The following TLL1 variants were observed in gnomAD, a reference collection of about 807,000 sequenced individuals.
The protein encoded by TLL1 is tolloid like 1, also known as tolloid-like protein 1.
A neutral mutation model predicts 128.2 loss-of-function variants in TLL1; 49 were observed. The observed-to-expected ratio is 0.38, with a 90% confidence interval of 0.30 to 0.48. The LOEUF (loss-of-function observed/expected upper bound fraction) is 0.48. Among genes scored for constraint, TLL1 ranks in the 20% least tolerant of loss-of-function variants. The probability of loss-of-function intolerance (pLI) is 0.96; values close to 1 mark genes in which losing one functional copy is unlikely to be tolerated. For missense variants in TLL1, 1,123 were observed against 1,242.0 expected (o/e 0.90, Z 1.44); for synonymous variants, 454 against 418.8 (o/e 1.08, Z -1.03).
At chr4:166,036,090 T>TA (rs1182766254) in intron 9 of TLL1, among the ~76,000 whole-genome samples, 1 of 152,208 alleles carries the variant, frequency 6.6e-6, no homozygotes, top group African/African-American at 2.4e-5. Context: ...GTGCAAGTAT[T>TA]ACGCTAATTG....
intron 15 of TLL1, among the ~76,000 whole-genome samples, chr4:166,063,129 TAAAC>T (rs545947863): frequency 0.015 from 2,222 of 152,144 alleles, 57 homozygotes; most frequent in African/African-American, 0.051. Context: ...ACAAAGAACT[TAAAC>T]AAATTTACAA....
rs767040802 is a variant in TLL1, at chr4:166,101,355, G to A, written c.*479G>A. 10 of 172,408 alleles carry A rather than the reference G, an allele frequency of 5.8e-5. 1 individual carries two copies. Among genetic ancestry groups the A allele is most frequent in the Admixed American group, 4.5e-4 (8 of 17,636 alleles). 10.7% of individuals were successfully genotyped at this position (172,408 alleles called of 1,614,324 possible). ...TAAACCAGATCCATATAAGGTGAAT[G>A]TGAAATGGGAGTCTTCTGAGGGTGA... On this transcript the variant is annotated 3_prime_UTR_variant, in exon 21 of 21. Transcript: ENST00000061240.
At chr4:165,967,537 C>T (rs1056169485) in intron 1 of TLL1, among the ~76,000 whole-genome samples, 17 of 152,256 alleles carry the variant, frequency 1.1e-4, no homozygotes, top group East Asian at 3.9e-4. Flanking sequence ...CCGGTCACTC[C>T]GTTTGGGGTT....
At chr4:166,061,456 G>T (rs1253322817) in intron 15 of TLL1, among the ~76,000 whole-genome samples, 7 of 151,960 alleles carry the variant, frequency 4.6e-5, no homozygotes, top group Non-Finnish European at 8.8e-5. Context: ...TGTTGGCCAG[G>T]CTAATCTCGA....
chr4:165,923,497 C>T (rs1380005627), intron 1 of TLL1, among the ~76,000 whole-genome samples: 5 of 126,284 alleles, frequency 4.0e-5, no homozygotes, highest in Non-Finnish European at 7.8e-5. Context: ...GGTACGATCT[C>T]GGCTCACTGC....
chr4:166,074,827 C>A (rs749142529), intron 16 of TLL1, 51 bp from the exon 17 acceptor site: 5 of 1,606,796 alleles, frequency 3.1e-6, no homozygotes, highest in African/African-American at 1.3e-5. Flanking sequence ...CCTTTGATAT[C>A]CTCTGTTTTT....
At chr4:166,002,301 G>A (rs1450631533) in intron 5 of TLL1, among the ~76,000 whole-genome samples, 1 of 152,108 alleles carries the variant, frequency 6.6e-6, no homozygotes. Context: ...CAAGGGCTCT[G>A]CCTTCAAATA....
intron 12 of TLL1, chr4:166,044,248 A>G: frequency 1.3e-6 from 1 of 742,296 alleles, no homozygotes; most frequent in South Asian, 1.9e-5. Flanking sequence ...AGACTAATTC[A>G]CTAAGTGATC....
intron 1 of TLL1, among the ~76,000 whole-genome samples, chr4:165,947,572 A>C (rs960001623): frequency 6.6e-6 from 1 of 152,156 alleles, no homozygotes. Flanking sequence ...CAAAGAATGC[A>C]CTGGAGAAAA....
intron 7 of TLL1, 81 bp from the exon 8 acceptor site, chr4:166,014,355 A>G: frequency 6.2e-7 from 1 of 1,600,534 alleles, no homozygotes; most frequent in Non-Finnish European, 8.5e-7. Context: ...CTTGAGTTTG[A>G]AATAAATACC....
chr4:165,972,399 C>T (rs1251248798), intron 1 of TLL1, among the ~76,000 whole-genome samples: 1 of 152,124 alleles, frequency 6.6e-6, no homozygotes, highest in Non-Finnish European at 1.5e-5. Flanking sequence ...CATGATGCTA[C>T]ATGGTTGTTC....
At chr4:165,903,763 ACAAAT>A (rs1345462540) in intron 1 of TLL1, among the ~76,000 whole-genome samples, 2 of 151,440 alleles carry the variant, frequency 1.3e-5, no homozygotes, top group Non-Finnish European at 2.9e-5. Flanking sequence ...ACACACACAC[ACAAAT>A]AATAATAATA....
At chr4:165,994,621 A>C in intron 4 of TLL1, 88 bp downstream of exon 4, 1 of 1,478,086 alleles carries the variant, frequency 6.8e-7, no homozygotes, top group East Asian at 2.4e-5. Context: ...TATTAACATA[A>C]GATACATAGT....
chr4:166,069,336 A>C (rs1453881799), intron 16 of TLL1, among the ~76,000 whole-genome samples: 2 of 151,760 alleles, frequency 1.3e-5, no homozygotes, highest in Non-Finnish European at 3.0e-5. Context: ...TGGCTTTATG[A>C]AACCTTAACA....
intron 8 of TLL1, among the ~76,000 whole-genome samples, chr4:166,016,873 T>C (rs1221370367): frequency 6.6e-6 from 1 of 152,004 alleles, no homozygotes; most frequent in Admixed American, 6.6e-5. Context: ...ATATATCTTT[T>C]AGTGTTAAAT....
Position 165,883,490 on chromosome 4 carries a change from C to G in TLL1, c.169+9417C>G, listed in dbSNP as rs145519574. ...TGTGGCTTTCAGCAAGTTATTTAACCTCATTACATTTCTGTTTTTTGAGCT... is the reference window on the plus strand; with the variant it reads ...TGTGGCTTTCAGCAAGTTATTTAACGTCATTACATTTCTGTTTTTTGAGCT... On this transcript the variant is annotated intron_variant, in intron 1 of 20. Coordinates refer to ENST00000061240, the MANE Select transcript of TLL1 (RefSeq NM_012464.5). 5.5e-3 allele frequency among the ~76,000 whole-genome samples: 833 copies of G among 152,210 alleles called. 6 individuals carry two copies. Among genetic ancestry groups the G allele is most frequent in the Non-Finnish European group, 9.7e-3 (659 of 67,994 alleles).
Position 165,873,913 on chromosome 4 carries a change from G to T in TLL1, c.9G>T (p.Leu3Phe). The change falls in exon 1 of 21, where the codon TTG (leucine) becomes TTT (phenylalanine). Residue 3 changes from leucine (L) to phenylalanine (F), a missense_variant. Transcript: ENST00000061240. MG[L>F]GTLSPRMLVW... ...TCCTCCGGGGGAGGAGGATGGGGTTGGGAACGCTTTCCCCGAGGATGCTCG... is the reference window on the plus strand; with the variant it reads ...TCCTCCGGGGGAGGAGGATGGGGTTTGGAACGCTTTCCCCGAGGATGCTCG... 1.2e-6 allele frequency: 2 copies of T among 1,613,986 alleles called. No homozygotes were observed. The highest frequency in any genetic ancestry group is 8.5e-7 in the Non-Finnish European group (1 of 1,180,028).
At chr4:166,055,605 A>G (rs1052449842) in intron 13 of TLL1, among the ~76,000 whole-genome samples, 2 of 152,158 alleles carry the variant, frequency 1.3e-5, no homozygotes, top group African/African-American at 4.8e-5. Flanking sequence ...GGTTACTGAC[A>G]TGAAGTTTAT....
At chr4:166,045,219 C>A (rs1221679791) in intron 12 of TLL1, among the ~76,000 whole-genome samples, 1 of 152,124 alleles carries the variant, frequency 6.6e-6, no homozygotes, top group Non-Finnish European at 1.5e-5. Flanking sequence ...TTCTGCCTCC[C>A]TCATTTATAT....
Sources: gnomAD v4.1 joint callset for allele counts (sites outside exome capture counted in the v4.1 genomes callset) on GRCh38, gnomAD v4.1.1 for gene constraint, MANE v1.5 for transcripts, NCBI Gene and HGNC (gene_info 2026-07-23, HGNC 2026-07-21) for gene names.